The following REV1 variants were observed in gnomAD, a reference collection of about 807,000 sequenced individuals.
REV1 encodes the protein REV1 DNA directed polymerase.
Under a neutral mutation model 137.4 loss-of-function variants are expected in REV1, and 42 were observed. The observed-to-expected ratio is 0.31, with a 90% CI of 0.24 to 0.40. The LOEUF is 0.40. Among genes scored for constraint, REV1 ranks in the 10% least tolerant of loss-of-function variants. The pLI is 1.00. For missense variants in REV1, 1,282 were observed against 1,490.1 expected (o/e 0.86, Z 2.30); for synonymous variants, 524 against 519.2 (o/e 1.01, Z -0.12).
intron 13 of REV1, among the ~76,000 whole-genome samples, chr2:99,412,302 T>C (rs1677288144): frequency 6.8e-6 from 1 of 148,044 alleles, no homozygotes. Flanking sequence ...ATCCATAATC[T>C]GAAGGAAAAT....
chr2:99,413,146 T>C (rs1330671333), intron 12 of REV1, among the ~76,000 whole-genome samples, 195 bp from the exon 13 acceptor site: 1 of 152,236 alleles, frequency 6.6e-6, no homozygotes, highest in Admixed American at 6.5e-5. Flanking sequence ...ATTTCTAGAC[T>C]CTACTTCTCA....
chr2:99,426,877 G>A (rs750426102), intron 9 of REV1, among the ~76,000 whole-genome samples: 1 of 152,090 alleles, frequency 6.6e-6, no homozygotes, highest in Non-Finnish European at 1.5e-5. Context: ...TTTGGTGTTG[G>A]ATTCAACAAT....
intron 5 of REV1, among the ~76,000 whole-genome samples, chr2:99,440,040 C>T (rs1681283378): frequency 6.6e-6 from 1 of 152,058 alleles, no homozygotes; most frequent in South Asian, 2.1e-4. Context: ...AGGACGCTTG[C>T]CTTACTGAGA....
intron 8 of REV1, chr2:99,431,712 T>C: frequency 2.0e-6 from 2 of 985,174 alleles, no homozygotes; most frequent in Non-Finnish European, 2.4e-6. Flanking sequence ...GGCAGCACCA[T>C]CGTGTTCCTC....
In REV1 at chr2:99,406,129, A is replaced by G; in HGVS notation, c.2615-23T>C. On this transcript the variant is annotated intron_variant, in intron 16 of 22. Coordinates refer to ENST00000258428, the MANE Select transcript of REV1 (RefSeq NM_016316.4). Reference sequence around the variant, plus strand: ...ATACTACAAAAAGAAAATATATAAAATAGCCTCTTCAGATCATCGGGCAGG... The same window carrying G: ...ATACTACAAAAAGAAAATATATAAAGTAGCCTCTTCAGATCATCGGGCAGG... 3 of 1,585,406 alleles carry G rather than the reference A, an allele frequency of 1.9e-6. 1 individual carries two copies. In the South Asian group the frequency reaches 3.4e-5, roughly 18 times the overall value.
At chr2:99,462,422 G>C (rs1166532219) in intron 3 of REV1, 74 bp downstream of exon 3, 1 of 1,377,876 alleles carries the variant, frequency 7.3e-7, no homozygotes, top group East Asian at 2.4e-5. Flanking sequence ...AGTAAAAATA[G>C]AATTTTAAAA....
chr2:99,411,006 G>T, intron 13 of REV1, 139 bp from the exon 14 acceptor site: 1 of 730,042 alleles, frequency 1.4e-6, no homozygotes, highest in Non-Finnish European at 2.1e-6. Context: ...AAGAAACGTG[G>T]CCAGGCGCGG....
chr2:99,415,655 C>T (rs113065329), intron 12 of REV1, among the ~76,000 whole-genome samples: 10 of 152,206 alleles, frequency 6.6e-5, no homozygotes, highest in African/African-American at 2.2e-4. Flanking sequence ...TTTTATTTAA[C>T]TTTAATTTAA....
chr2:99,404,116 T>C (rs896370137), intron 18 of REV1, among the ~76,000 whole-genome samples: 4 of 152,272 alleles, frequency 2.6e-5, no homozygotes, highest in African/African-American at 9.6e-5. Context: ...GGGACTCAGG[T>C]TGTTACTGTC....
Position 99,428,631 on chromosome 2 carries a change from C to T in REV1, c.1547+1209G>A, listed in dbSNP as rs142558368. 3.1e-3 allele frequency among the ~76,000 whole-genome samples: 476 copies of T among 152,224 alleles called. 2 individuals are homozygous for T. The highest frequency in any genetic ancestry group is 0.011 in the African/African-American group (448 of 41,536). On this transcript the variant is annotated intron_variant, in intron 9 of 22. Transcript: ENST00000258428. ...TTTAAAAAAAACTATTATGATTAGA[C>T]GATGCTGAGCTCAAATATTTTTTCT...
chr2:99,400,492 T>TTTA lies in REV1; in HGVS notation c.*746_*748dup, dbSNP rs1346405280. 6.6e-6 allele frequency: 1 copy of TTTA among 152,218 alleles called. No homozygotes were observed. Among genetic ancestry groups the TTTA allele is most frequent in the Admixed American group, 6.5e-5 (1 of 15,284 alleles). 9.4% of individuals were successfully genotyped at this position (152,218 alleles called of 1,614,324 possible). A position where few individuals can be genotyped will look rare whatever the true frequency, so the allele number is the denominator to read the frequency against. ...CACTAGCATAGAATTTTAAACTATTTTTATTTTAAAGTTATGGCATAACAT... is the reference window on the plus strand; with the variant it reads ...CACTAGCATAGAATTTTAAACTATTTTTATTATTTTAAAGTTATGGCATAACAT... On this transcript the variant is annotated 3_prime_UTR_variant, in exon 23 of 23. Transcript: ENST00000258428.
intron 2 of REV1, among the ~76,000 whole-genome samples, chr2:99,464,233 T>C (rs1282358439): frequency 6.6e-6 from 1 of 152,208 alleles, no homozygotes; most frequent in African/African-American, 2.4e-5. Flanking sequence ...AAGCTTGATT[T>C]CAATTATTAG....
chr2:99,445,833 C>T (rs1682133328), intron 4 of REV1, among the ~76,000 whole-genome samples: 3 of 152,328 alleles, frequency 2.0e-5, no homozygotes, highest in South Asian at 4.1e-4. Context: ...CTCAGATCTA[C>T]TGACATACAG....
chr2:99,416,517 C>G (rs773688193), intron 12 of REV1, among the ~76,000 whole-genome samples: 4 of 152,122 alleles, frequency 2.6e-5, no homozygotes, highest in African/African-American at 4.8e-5. Flanking sequence ...AATACAGAAC[C>G]TGGCTCTGAA....
intron 13 of REV1, among the ~76,000 whole-genome samples, chr2:99,411,867 T>C (rs1677202853): frequency 6.6e-6 from 1 of 152,084 alleles, no homozygotes; most frequent in African/African-American, 2.4e-5. Context: ...AGGTCCACAG[T>C]GTAGGCACAG....
At chr2:99,403,152 A>C (rs769315424) in intron 19 of REV1, 46 bp from the exon 20 acceptor site, 33 of 1,325,390 alleles carry the variant, frequency 2.5e-5, no homozygotes, top group Non-Finnish European at 3.0e-5. Flanking sequence ...GATAGTATGG[A>C]TAGTCTGGAT....
intron 19 of REV1, 91 bp from the exon 20 acceptor site, chr2:99,403,197 C>A (rs1675747092): frequency 1.0e-5 from 11 of 1,074,746 alleles, no homozygotes; most frequent in Non-Finnish European, 1.3e-5. Flanking sequence ...CTCCCAAATA[C>A]AACAGGCTCC....
intron 3 of REV1, among the ~76,000 whole-genome samples, chr2:99,450,754 T>C (rs1002047204): frequency 1.3e-5 from 2 of 152,212 alleles, no homozygotes; most frequent in African/African-American, 2.4e-5. Flanking sequence ...TTTCAACATG[T>C]AATCAACAGA....
rs1465988373 is a variant in REV1 at position 99,403,785 on chromosome 2, C to T, written c.3076G>A (p.Ala1026Thr). 1.9e-6 allele frequency: 3 copies of T among 1,614,174 alleles called. No homozygotes were observed. ...GCTTTCAGCTCCCTCTGAAGTTCAG[C>T]AGGAAGGGCAGCAAATACCTCAGGG... ...VDPEVFAALP[A>T]ELQRELKAAY... is the part of the protein sequence containing the mutation. The change falls in exon 19 of 23, where the codon GCT (alanine) becomes ACT (threonine). Residue 1026 changes from alanine to threonine, a missense_variant. Physicochemically the swap from Ala to Thr is moderately conservative, Grantham distance 58 (BLOSUM62 0). This residue lies in a region of REV1 where 23 missense variants were observed against 46.3 expected (regional missense o/e 0.50). Coordinates refer to ENST00000258428, the MANE Select transcript of REV1 (RefSeq NM_016316.4).
Sources: gnomAD v4.1 joint callset for allele counts (sites outside exome capture counted in the v4.1 genomes callset) on GRCh38, gnomAD v4.1.1 for gene constraint, gnomAD v4.1.1 regional missense constraint, MANE v1.5 for transcripts, NCBI Gene and HGNC (gene_info 2026-07-23, HGNC 2026-07-21) for gene names.